IGSF6: variants seen among roughly 807,000 people sequenced by gnomAD.
IGSF6 encodes immunoglobulin superfamily member 6.
A neutral mutation model predicts 24.7 loss-of-function variants in IGSF6; 23 were observed. The ratio of observed to expected loss-of-function variants is 0.93; its 90% CI spans 0.67 to 1.32. The LOEUF is 1.32. Ranked by LOEUF, IGSF6 falls within the 40% of genes most tolerant of loss-of-function variation. The pLI is 0.00. For missense variants in IGSF6, 295 were observed against 293.6 expected, an observed-to-expected ratio of 1.00 and a Z score of -0.04; for synonymous variants, 110 against 113.7, an observed-to-expected ratio of 0.97 and a Z score of 0.21.
At chr16:21,643,407 A>C (rs1448825116) in intron 4 of IGSF6, 141 bp downstream of exon 4, 2 of 637,452 alleles carry the variant, frequency 3.1e-6, no homozygotes, top group Admixed American at 6.0e-5. Flanking sequence ...ACAATAGGAA[A>C]TAGTGTCTGC....
chr16:21,639,823 A>G lies in IGSF6; in HGVS notation c.*1711T>C, dbSNP rs1175918955. Reference sequence around the variant, plus strand: ...AAGTTTGATATCACTGATTTAAACCATCAATGCAAAAACACTTTCAAAGGA... The same window carrying G: ...AAGTTTGATATCACTGATTTAAACCGTCAATGCAAAAACACTTTCAAAGGA... On this transcript the variant is annotated 3_prime_UTR_variant, in exon 6 of 6. Coordinates refer to ENST00000268389, the MANE Select transcript of IGSF6 (RefSeq NM_005849.4). The G allele has an allele frequency of 6.6e-6, 1 of 152,242 alleles. No homozygotes were observed. The highest frequency in any genetic ancestry group is 2.4e-5 in the African/African-American group (1 of 41,458). The allele number at this position is 152,242 out of a possible 1,614,324, so 9.4% of individuals were successfully genotyped here.
rs764289887 is a variant in IGSF6 at position 21,644,185 on chromosome 16, G to C, written c.534+105C>G. ...CAGATGCACAGGAAAATGTTAATTA[G>C]GGAGCTCTTGCTGAGGCCCATAACT... On this transcript the variant is annotated intron_variant, in intron 3 of 5. Coordinates refer to ENST00000268389, the MANE Select transcript of IGSF6 (RefSeq NM_005849.4). The C allele has an allele frequency of 1.7e-4, 133 of 767,472 alleles. 1 individual carries two copies. The highest frequency in any genetic ancestry group is 2.7e-4 in the Non-Finnish European group (122 of 448,842). 47.5% of individuals were successfully genotyped at this position (767,472 alleles called of 1,614,324 possible).
intron 3 of IGSF6, among the ~76,000 whole-genome samples, chr16:21,643,939 G>GCTATCT (rs1966347829): frequency 6.6e-6 from 1 of 152,090 alleles, no homozygotes; most frequent in Non-Finnish European, 1.5e-5. Flanking sequence ...CTTAAAGACT[G>GCTATCT]TTCTTAAGGC....
rs543364360 is a variant in IGSF6 at position 21,644,373 on chromosome 16, G to C, written c.451C>G (p.Leu151Val). 436 of 1,613,358 alleles carry C rather than the reference G, an allele frequency of 2.7e-4. 7 individuals carry two copies. The South Asian group carries it at 4.1e-3, about 15-fold the overall frequency. Residue 151 changes from leucine (L) to valine (V), a missense_variant, in exon 3 of 6, where the codon CTG (leucine) becomes GTG (valine). Leu to Val is a conservative substitution (Grantham distance 32, BLOSUM62 1). Coordinates refer to ENST00000268389, the MANE Select transcript of IGSF6 (RefSeq NM_005849.4). ...ACAAGAGCTGTCAGGAAGCTCCGCA[G>C]TTCCTTGCTGAGCAGCTTAATTTCT... ...VREIKLLSKELRSFLTALVSL... is the reference protein window; with the variant it reads ...VREIKLLSKEVRSFLTALVSL...
intron 1 of IGSF6, among the ~76,000 whole-genome samples, chr16:21,650,742 C>T (rs1966552195): frequency 6.6e-6 from 1 of 152,030 alleles, no homozygotes; most frequent in Non-Finnish European, 1.5e-5. Context: ...CTCCCCCAAC[C>T]AGTTAGGCAA....
chr16:21,643,263 C>A (rs1361041016), intron 4 of IGSF6, 109 bp from the exon 5 acceptor site: 6 of 779,180 alleles, frequency 7.7e-6, no homozygotes, highest in Admixed American at 2.0e-5. Context: ...CAAAAACTAC[C>A]CCCTCCCCCA....
Position 21,641,512 on chromosome 16 carries a change from T to G in IGSF6, c.*22A>C. ...CTCCTGGAGTTGGATTTTCAGTGACTTCATTGAAAATTAAAACGTTTCTAT... is the reference window on the plus strand; with the variant it reads ...CTCCTGGAGTTGGATTTTCAGTGACGTCATTGAAAATTAAAACGTTTCTAT... On this transcript the variant is annotated 3_prime_UTR_variant, in exon 6 of 6. Coordinates refer to ENST00000268389, the MANE Select transcript of IGSF6 (RefSeq NM_005849.4). The G allele has an allele frequency of 6.7e-7, 1 of 1,492,006 alleles. No homozygotes were observed. Among genetic ancestry groups the G allele is most frequent in the East Asian group, 2.3e-5 (1 of 43,576 alleles). The allele number at this position is 1,492,006 out of a possible 1,614,324, so 92.4% of individuals were successfully genotyped here. A position where few individuals can be genotyped will look rare whatever the true frequency, so the allele number is the denominator to read the frequency against.
intron 1 of IGSF6, among the ~76,000 whole-genome samples, chr16:21,651,378 T>G (rs1966571407): frequency 6.6e-6 from 1 of 152,182 alleles, no homozygotes; most frequent in Non-Finnish European, 1.5e-5. Flanking sequence ...CCCTATAGCC[T>G]GAAAGTCCTG....
At position 21,643,015 on chromosome 16, in the gene IGSF6, G is replaced by GTT; in HGVS notation, c.666+57_666+58dup. On this transcript the variant is annotated intron_variant, in intron 5 of 5. Transcript: ENST00000268389. ...TTCTTGACAGCTCCTTGGCAGCTTAGTTTTTTCAAACGTGCTTTATATCTG... is the reference window on the plus strand; with the variant it reads ...TTCTTGACAGCTCCTTGGCAGCTTAGTTTTTTTTCAAACGTGCTTTATATCTG... The GTT allele has an allele frequency of 5.0e-6, 6 of 1,205,910 alleles. No individual in the cohort carries two copies. The South Asian group carries it at 7.5e-5, about 15-fold the overall frequency. 74.7% of individuals were successfully genotyped at this position (1,205,910 alleles called of 1,614,324 possible).
In IGSF6 at chr16:21,643,171, GAAAA is replaced by G; in HGVS notation, c.586-21_586-18del. On this transcript the variant is annotated intron_variant, in intron 4 of 5. Coordinates refer to ENST00000268389, the MANE Select transcript of IGSF6 (RefSeq NM_005849.4). ...ACTCTTCTTCTATAAAGACAAATGA[GAAAA>G]AAAAATTCTCTTTTGGGAATATAAG... is the stretch of plus-strand genomic sequence containing the variant. 6.4e-7 allele frequency: 1 copy of G among 1,564,242 alleles called. No homozygotes were observed.
Position 21,641,335 on chromosome 16 carries a change from G to A in IGSF6, c.*199C>T. The A allele has an allele frequency of 5.1e-6, 2 of 389,754 alleles. No individual in the cohort carries two copies. Among genetic ancestry groups the A allele is most frequent in the Non-Finnish European group, 9.2e-6 (2 of 217,210 alleles). The allele number at this position is 389,754 out of a possible 1,614,324, so 24.1% of individuals were successfully genotyped here. A position where few individuals can be genotyped will look rare whatever the true frequency, so the allele number is the denominator to read the frequency against. The stretch of plus-strand genomic sequence containing the variant: ...TGGCAAATTTGGAAGGTATTTTTCA[G>A]TTGCATTTTGTTGGGTTTTAGTATT... On this transcript the variant is annotated 3_prime_UTR_variant, in exon 6 of 6. Coordinates refer to ENST00000268389, the MANE Select transcript of IGSF6 (RefSeq NM_005849.4).
Position 21,644,407 on chromosome 16 carries a change from A to G in IGSF6, c.428-11T>C, listed in dbSNP as rs867576994. The G allele has an allele frequency of 2.5e-6, 4 of 1,580,614 alleles. No homozygotes were observed. Among genetic ancestry groups the G allele is most frequent in the Middle Eastern group, 3.3e-4 (2 of 6,000 alleles). ...TGAGCAGCTTAATTTCTTAATGACA[A>G]AAACAGAAAGAAGCACATTGACTAT... On this transcript the variant is annotated splice_polypyrimidine_tract_variant and intron_variant, in intron 2 of 5. Transcript: ENST00000268389.
At chr16:21,647,776 C>A (rs1966468254) in intron 1 of IGSF6, among the ~76,000 whole-genome samples, 2 of 152,088 alleles carry the variant, frequency 1.3e-5, no homozygotes, top group South Asian at 4.1e-4. Context: ...AGAGGTGGCA[C>A]CGTATTGGAC....
At chr16:21,642,973 T>C (rs893652843) in intron 5 of IGSF6, 101 bp downstream of exon 5, 18 of 735,828 alleles carry the variant, frequency 2.4e-5, no homozygotes, top group Non-Finnish European at 4.2e-5. Flanking sequence ...TTCAGACTCT[T>C]CTGAAGGAAA....
chr16:21,645,219 G>T (rs1052487388), intron 2 of IGSF6, among the ~76,000 whole-genome samples: 1 of 152,142 alleles, frequency 6.6e-6, no homozygotes, highest in Non-Finnish European at 1.5e-5. Flanking sequence ...TTGAGAGGCC[G>T]AGGTGGGCAG....
intron 5 of IGSF6, chr16:21,642,536 A>G (rs974649407): frequency 1.3e-5 from 2 of 152,292 alleles, no homozygotes; most frequent in African/African-American, 4.8e-5. Context: ...GAACCTGTTT[A>G]TATAAGACTT....
At chr16:21,648,567 TGTG>T (rs1966487075) in intron 1 of IGSF6, among the ~76,000 whole-genome samples, 1 of 152,222 alleles carries the variant, frequency 6.6e-6, no homozygotes, top group Non-Finnish European at 1.5e-5. Context: ...CTGTCCACCA[TGTG>T]GTGCTCTTCC....
intron 1 of IGSF6, among the ~76,000 whole-genome samples, chr16:21,650,989 C>A (rs915039455): frequency 6.6e-6 from 1 of 152,130 alleles, no homozygotes; most frequent in Non-Finnish European, 1.5e-5. Context: ...TATGGGAGGC[C>A]GAGGCGGGCG....
chr16:21,643,262 C>CCCCCT (rs1966326215), intron 4 of IGSF6, 108 bp from the exon 5 acceptor site: 1 of 778,886 alleles, frequency 1.3e-6, no homozygotes, highest in Admixed American at 2.1e-5. Context: ...CCAAAAACTA[C>CCCCCT]CCCCTCCCCC....
Sources: gnomAD v4.1 joint callset for allele counts (sites outside exome capture counted in the v4.1 genomes callset) on GRCh38, gnomAD v4.1.1 for gene constraint, MANE v1.5 for transcripts, NCBI Gene and HGNC (gene_info 2026-07-23, HGNC 2026-07-21) for gene names.